The following ZBTB46 variants were observed in gnomAD, a reference collection of about 807,000 sequenced individuals.
ZBTB46 encodes the protein zinc finger and BTB domain containing 46.
Under a neutral mutation model 44.1 loss-of-function variants are expected in ZBTB46, and 8 were observed. The observed-to-expected ratio is 0.18, with a 90% CI of 0.11 to 0.33. The LOEUF (loss-of-function observed/expected upper bound fraction) is 0.33, where lower values mean the gene tolerates loss of function less well. ZBTB46 is among the 10% of genes least tolerant of loss of function. The probability of loss-of-function intolerance (pLI) is 1.00; values close to 1 mark genes in which losing one functional copy is unlikely to be tolerated. For synonymous variants in ZBTB46, 409 were observed against 382.3 expected (o/e 1.07, Z -0.81); for missense variants, 651 against 847.7 (o/e 0.77, Z 2.88).
chr20:63,803,251 G>T lies in ZBTB46; in HGVS notation c.-33-12461C>A. 6 of 962,024 alleles carry T rather than the reference G, an allele frequency of 6.2e-6. No individual in the cohort carries two copies. Among genetic ancestry groups the T allele is most frequent in the Non-Finnish European group, 7.4e-6 (6 of 808,720 alleles). The allele number at this position is 962,024 out of a possible 1,614,324, so 59.6% of individuals were successfully genotyped here. On this transcript the variant is annotated intron_variant, in intron 1 of 4. Coordinates refer to ENST00000245663, the MANE Select transcript of ZBTB46 (RefSeq NM_001369741.1). The surrounding 1 kb of genome is among the most constrained non-coding windows in gnomAD (Gnocchi z 4.0). ...CTCCCCTCACACCAAGGCGTTCATG[G>T]TTTACCTTCTTCTGAAAAAATTAAG...
chr20:63,818,484 C>G (rs1366742392), intron 1 of ZBTB46, among the ~76,000 whole-genome samples: 2 of 152,244 alleles, frequency 1.3e-5, no homozygotes, highest in South Asian at 4.1e-4. Context: ...TCTACAGCAA[C>G]AGTGGCCACA....
chr20:63,776,727 C>A (rs1349381358), intron 2 of ZBTB46, among the ~76,000 whole-genome samples: 2 of 151,634 alleles, frequency 1.3e-5, no homozygotes, highest in East Asian at 3.9e-4. Context: ...TCGCTTGAAC[C>A]CAGGAGGTGG....
chr20:63,814,230 CT>C (rs1330640876), intron 1 of ZBTB46, among the ~76,000 whole-genome samples: 134 of 117,208 alleles, frequency 1.1e-3, no homozygotes, highest in African/African-American at 4.1e-3. Context: ...AAGACTCCGT[CT>C]CAAAAAAAAA....
At chr20:63,770,444 G>C (rs2092359372) in intron 3 of ZBTB46, among the ~76,000 whole-genome samples, 1 of 152,310 alleles carries the variant, frequency 6.6e-6, no homozygotes, top group East Asian at 1.9e-4. Context: ...TCCTCTGACA[G>C]GGATGTCAGA....
At position 63,750,133 on chromosome 20, in the gene ZBTB46, C is replaced by T. The variant is rs1286607828; in HGVS notation, c.1398+2553G>A. ...GCCATCGTGAAAGTGGAGGCTGGAC[C>T]GGCTAGAGCTGCTGTCTCACACTCG... On this transcript the variant is annotated intron_variant, in intron 4 of 4. Coordinates refer to ENST00000245663, the MANE Select transcript of ZBTB46 (RefSeq NM_001369741.1). Among the ~76,000 whole-genome samples the T allele has an allele frequency of 2.6e-5, 4 of 152,184 alleles. 1 individual carries two copies. In the East Asian group the frequency reaches 7.7e-4, roughly 29 times the overall value.
At chr20:63,783,526 G>A (rs908606269) in intron 2 of ZBTB46, among the ~76,000 whole-genome samples, 1 of 152,216 alleles carries the variant, frequency 6.6e-6, no homozygotes, top group Non-Finnish European at 1.5e-5. Flanking sequence ...CCTGTGAAGG[G>A]TGTTATTGTC....
rs560362213 is a variant in ZBTB46 at position 63,767,741 on chromosome 20, G to A, written c.1222+7937C>T. On this transcript the variant is annotated intron_variant, in intron 3 of 4. Transcript: ENST00000245663. This position sits in a 1 kb window ranked among gnomAD's most constrained non-coding sequence, Gnocchi z 5.0. ...ACAGAGCTCCTTAGCTGGCCTCAGG[G>A]TAAAGCTGTCAGCGCCCAAGGAGCT... 1.3e-5 allele frequency among the ~76,000 whole-genome samples: 2 copies of A among 152,360 alleles called. No individual in the cohort carries two copies. Among genetic ancestry groups the A allele is most frequent in the South Asian group, 4.1e-4 (2 of 4,826 alleles).
chr20:63,790,797 A>C lies in ZBTB46; in HGVS notation c.-33-7T>G, dbSNP rs2092554946. Reference sequence around the variant, plus strand: ...GTCGCCTCTTCTACAGACTCTGTGGAGGTAAGAACAAGAGTTACCCAAGCT... The same window carrying C: ...GTCGCCTCTTCTACAGACTCTGTGGCGGTAAGAACAAGAGTTACCCAAGCT... On this transcript the variant is annotated splice_polypyrimidine_tract_variant and splice_region_variant and intron_variant, in intron 1 of 4. Coordinates refer to ENST00000245663, the MANE Select transcript of ZBTB46 (RefSeq NM_001369741.1). The C allele has an allele frequency of 6.5e-7, 1 of 1,541,274 alleles. No individual in the cohort carries two copies.
At chr20:63,818,052 G>A (rs1032063465) in intron 1 of ZBTB46, among the ~76,000 whole-genome samples, 5 of 152,320 alleles carry the variant, frequency 3.3e-5, no homozygotes, top group East Asian at 1.9e-4. Context: ...GAGACTGCAC[G>A]GCACCACGCT....
At chr20:63,793,548 G>A (rs977210016) in intron 1 of ZBTB46, among the ~76,000 whole-genome samples, 1 of 150,948 alleles carries the variant, frequency 6.6e-6, no homozygotes, top group Non-Finnish European at 1.5e-5. Context: ...GAAGCTGACC[G>A]ATCATATTTA....
Position 63,747,333 on chromosome 20 carries a change from CTGGTGGGTTGGGGGG to C in ZBTB46, c.1399-47_1399-33del, listed in dbSNP as rs769402214. 7.3e-6 allele frequency: 6 copies of C among 819,996 alleles called. No homozygotes were observed. The African/African-American group carries it at 8.2e-5, about 11-fold the overall frequency. The allele number at this position is 819,996 out of a possible 1,614,324, so 50.8% of individuals were successfully genotyped here. On this transcript the variant is annotated intron_variant, in intron 4 of 4. Transcript: ENST00000245663. ...AGGCAGGGCAGGGGGTGAGCAGGGC[CTGGTGGGTTGGGGGG>C]CGGGGCAGGGGGTGAGCAGGGCCTG...
intron 1 of ZBTB46, among the ~76,000 whole-genome samples, chr20:63,792,677 G>A (rs992278585): frequency 1.3e-5 from 2 of 152,042 alleles, no homozygotes; most frequent in Non-Finnish European, 2.9e-5. Flanking sequence ...CACCACGCCT[G>A]GCTGACATTT....
At chr20:63,772,288 G>T (rs138420497) in intron 3 of ZBTB46, among the ~76,000 whole-genome samples, 4,588 of 152,004 alleles carry the variant, frequency 0.03, 108 homozygotes, top group Middle Eastern at 0.086. Flanking sequence ...GAACCATCAT[G>T]CCTGGCCCAA....
chr20:63,785,331 C>T (rs1328284446), intron 2 of ZBTB46, among the ~76,000 whole-genome samples: 1 of 151,116 alleles, frequency 6.6e-6, no homozygotes, highest in Admixed American at 6.6e-5. Context: ...GAGGCTGAGG[C>T]GGGCGGACCG....
intron 3 of ZBTB46, among the ~76,000 whole-genome samples, chr20:63,765,326 A>C (rs940443797): frequency 2.5e-4 from 38 of 152,296 alleles, no homozygotes; most frequent in African/African-American, 8.7e-4. Flanking sequence ...TATGCCAGCA[A>C]CACCACTGGG....
At chr20:63,807,737 G>A (rs1247274565) in intron 1 of ZBTB46, among the ~76,000 whole-genome samples, 1 of 152,270 alleles carries the variant, frequency 6.6e-6, no homozygotes, top group Non-Finnish European at 1.5e-5. Context: ...CTTAAAAGCT[G>A]TACTAGGCCA....
rs2092390642 is a variant in ZBTB46, at chr20:63,773,071, G to A, written c.1222+2607C>T. Among the ~76,000 whole-genome samples the A allele has an allele frequency of 2.0e-5, 3 of 152,160 alleles. No homozygotes were observed. In the South Asian group the frequency reaches 6.2e-4, roughly 32 times the overall value. ...AGGGCCCACAGCTCGTATGCCACGG[G>A]TGAAATCGACATCTTCTGCCAAGCC... On this transcript the variant is annotated intron_variant, in intron 3 of 4. Transcript: ENST00000245663.
intron 3 of ZBTB46, among the ~76,000 whole-genome samples, chr20:63,770,764 G>A (rs2092362510): frequency 1.3e-5 from 2 of 152,140 alleles, no homozygotes. Context: ...ATCCCCACCC[G>A]GCACCCCGTA....
intron 1 of ZBTB46, among the ~76,000 whole-genome samples, chr20:63,807,029 G>A (rs1213534665): frequency 6.6e-6 from 1 of 152,152 alleles, no homozygotes; most frequent in African/African-American, 2.4e-5. Flanking sequence ...TGATGCACCT[G>A]CCTCGGCCTC....
Sources: gnomAD v4.1 joint callset for allele counts (sites outside exome capture counted in the v4.1 genomes callset) on GRCh38, gnomAD v4.1.1 for gene constraint, Gnocchi (gnomAD v3.1) non-coding constraint, MANE v1.5 for transcripts, NCBI Gene and HGNC (gene_info 2026-07-23, HGNC 2026-07-21) for gene names.